The following ELOVL4 variants were observed in gnomAD, a reference collection of about 807,000 sequenced individuals.
The protein encoded by ELOVL4 is ELOVL fatty acid elongase 4, also known as very long chain fatty acid elongase 4.
ELOVL4 carries 18 observed loss-of-function variants against 42.1 expected under a neutral mutation model. The ratio of observed to expected loss-of-function variants is 0.43; its 90% CI spans 0.30 to 0.63. The LOEUF (loss-of-function observed/expected upper bound fraction) is 0.63, where lower values mean the gene tolerates loss of function less well. ELOVL4 is among the 30% of genes least tolerant of loss of function. The pLI, the probability that ELOVL4 is intolerant of heterozygous loss-of-function variation, is 0.15. For synonymous variants in ELOVL4, 117 were observed against 127.0 expected, an observed-to-expected ratio of 0.92 and a Z score of 0.53; for missense variants, 299 against 376.2, an observed-to-expected ratio of 0.79 and a Z score of 1.70.
chr6:79,927,849 G>C (rs1031088409), intron 1 of ELOVL4, among the ~76,000 whole-genome samples: 17 of 152,126 alleles, frequency 1.1e-4, no homozygotes, highest in Non-Finnish European at 1.9e-4. Flanking sequence ...ACACATTTCA[G>C]AGTTAAAAAT....
chr6:79,929,277 G>A (rs941120429), intron 1 of ELOVL4, among the ~76,000 whole-genome samples: 2 of 152,000 alleles, frequency 1.3e-5, no homozygotes, highest in Admixed American at 6.6e-5. Context: ...GTCTCGTTGT[G>A]TCACCTAGGC....
chr6:79,928,743 T>G lies in ELOVL4; in HGVS notation c.101-2362A>C, dbSNP rs937881910. Among the ~76,000 whole-genome samples, 43 of 143,648 alleles carry G rather than the reference T, an allele frequency of 3.0e-4. 1 individual carries two copies. The highest frequency in any genetic ancestry group is 1.1e-3 in the African/African-American group (40 of 37,866). 94.2% of individuals were successfully genotyped at this position (143,648 alleles called of 152,430 possible). A position where few individuals can be genotyped will look rare whatever the true frequency, so the allele number is the denominator to read the frequency against. On this transcript the variant is annotated intron_variant, in intron 1 of 5. Transcript: ENST00000369816. ...GGTGACTGGGTTTTTTTTTTTTTTTTTTTTTTTTTTTTAAGAAATGGAGTC... is the reference window on the plus strand; with the variant it reads ...GGTGACTGGGTTTTTTTTTTTTTTTGTTTTTTTTTTTTAAGAAATGGAGTC...
chr6:79,938,507 T>C (rs933677618), intron 1 of ELOVL4, among the ~76,000 whole-genome samples: 1 of 152,256 alleles, frequency 6.6e-6, no homozygotes, highest in Non-Finnish European at 1.5e-5. Context: ...TTCTAGCTCT[T>C]GTATTATGCA....
Position 79,916,844 on chromosome 6 carries a change from G to C in ELOVL4, c.709C>G (p.Leu237Val). ...TTGGGGAAGGGGCAGTCAGTGTAAA[G>C]AGACAGTGCCGTGTGCCCAATGGTC... ...HVTIGHTALS[L>V]YTDCPFPKWM... Residue 237 changes from leucine (L) to valine (V), a missense_variant, in exon 6 of 6, where the codon CTT becomes GTT. Physicochemically the swap from Leu to Val is conservative, Grantham distance 32. Coordinates refer to ENST00000369816, the MANE Select transcript of ELOVL4 (RefSeq NM_022726.4). 2 of 1,614,212 alleles carry C rather than the reference G, an allele frequency of 1.2e-6. No individual in the cohort carries two copies. The highest frequency in any genetic ancestry group is 1.7e-6 in the Non-Finnish European group (2 of 1,180,032).
chr6:79,916,413 T>C lies in ELOVL4; in HGVS notation c.*195A>G, dbSNP rs911432014. On this transcript the variant is annotated 3_prime_UTR_variant, in exon 6 of 6. Transcript: ENST00000369816. Reference sequence around the variant, plus strand: ...AAGGCTAATTTTTAAAAAAAATGTTTAAAATAAAAACTTCATAAATAAAAC... The same window carrying C: ...AAGGCTAATTTTTAAAAAAAATGTTCAAAATAAAAACTTCATAAATAAAAC... 27 of 642,108 alleles carry C rather than the reference T, an allele frequency of 4.2e-5. 2 individuals are homozygous for C. The South Asian group carries it at 4.4e-4, about 11-fold the overall frequency. The allele number at this position is 642,108 out of a possible 1,614,324, so 39.8% of individuals were successfully genotyped here.
intron 1 of ELOVL4, among the ~76,000 whole-genome samples, chr6:79,935,478 T>C (rs1774526940): frequency 6.6e-6 from 1 of 152,158 alleles, no homozygotes; most frequent in Admixed American, 6.5e-5. Context: ...GGGAGTCACA[T>C]GGAGTAGAGG....
intron 5 of ELOVL4, among the ~76,000 whole-genome samples, chr6:79,918,539 A>G (rs1221102764): frequency 6.6e-6 from 1 of 152,254 alleles, no homozygotes; most frequent in Non-Finnish European, 1.5e-5. Context: ...CTTCGCACCC[A>G]GCATTTCCCA....
chr6:79,941,729 T>C (rs1199717007), intron 1 of ELOVL4, among the ~76,000 whole-genome samples: 12 of 152,144 alleles, frequency 7.9e-5, no homozygotes, highest in Admixed American at 4.6e-4. Context: ...TTCTGTAATT[T>C]AGTGTGGTCT....
At chr6:79,921,312 T>G (rs1774249530) in intron 4 of ELOVL4, among the ~76,000 whole-genome samples, 1 of 151,074 alleles carries the variant, frequency 6.6e-6, no homozygotes, top group South Asian at 2.1e-4. Flanking sequence ...ATACAAAAAA[T>G]TAGCTAGGCG....
At position 79,947,460 on chromosome 6, in the gene ELOVL4, A is replaced by G; in HGVS notation, c.-181T>C. ...CGGCGGCGGGGATGCGGCAGAAGGC[A>G]GGGCCAAGCGGAAGGCGTCGTCAAG... On this transcript the variant is annotated 5_prime_UTR_variant, in exon 1 of 6. Transcript: ENST00000369816. The G allele has an allele frequency of 4.8e-6, 3 of 625,394 alleles. No homozygotes were observed. The highest frequency in any genetic ancestry group is 5.7e-6 in the Non-Finnish European group (2 of 352,334). The allele number at this position is 625,394 out of a possible 1,614,324, so 38.7% of individuals were successfully genotyped here.
Position 79,926,328 on chromosome 6 carries a change from T to C in ELOVL4, c.154A>G (p.Ile52Val), listed in dbSNP as rs138391092. The C allele has an allele frequency of 3.1e-6, 5 of 1,613,926 alleles. No individual in the cohort carries two copies. Among genetic ancestry groups the C allele is most frequent in the Non-Finnish European group, 3.4e-6 (4 of 1,179,958 alleles). Residue 52 changes from isoleucine (I) to valine (V), a missense_variant, in exon 2 of 6, where the codon ATA (isoleucine) becomes GTA (valine). Physicochemically the swap from Ile to Val is conservative, Grantham distance 29. Transcript: ENST00000369816. ...LMQSPWPTLS[I>V]STLYLLFVWL... Reference sequence around the variant, plus strand: ...ACAAACAGGAGATAAAGAGTGCTTATACTTAGTGTAGGCCAAGGAGACTGC... The same window carrying C: ...ACAAACAGGAGATAAAGAGTGCTTACACTTAGTGTAGGCCAAGGAGACTGC...
At chr6:79,939,695 T>C (rs556206795) in intron 1 of ELOVL4, among the ~76,000 whole-genome samples, 3 of 151,992 alleles carry the variant, frequency 2.0e-5, no homozygotes, top group African/African-American at 7.2e-5. Flanking sequence ...GGCTAATTTT[T>C]AATATTTTTT....
At chr6:79,944,987 CAAAAAAA>C (rs200726708) in intron 1 of ELOVL4, among the ~76,000 whole-genome samples, 1,402 of 93,030 alleles carry the variant, frequency 0.015, 16 homozygotes, top group African/African-American at 0.02. Flanking sequence ...TGAATGAGTC[CAAAAAAA>C]AAAAAAAAAA....
At chr6:79,923,540 T>C (rs965245785) in intron 3 of ELOVL4, among the ~76,000 whole-genome samples, 2 of 152,178 alleles carry the variant, frequency 1.3e-5, no homozygotes, top group African/African-American at 4.8e-5. Context: ...GCCCTCCAAC[T>C]GAAGAGATTC....
In ELOVL4 at chr6:79,916,796, C is replaced by T; in HGVS notation, c.757G>A (p.Ala253Thr). ...AGAAATATGAAGCTGATTGCATAGG[C>T]AATTAGAGCCCAGTGCATCCATTTG... ...FPKWMHWALI[A>T]YAISFIFLFL... The change falls in exon 6 of 6, where the codon GCC becomes ACC. Residue 253 changes from alanine to threonine, a missense_variant. Ala to Thr is a moderately conservative substitution (Grantham distance 58). Transcript: ENST00000369816. 1 of 1,614,116 alleles carries T rather than the reference C, an allele frequency of 6.2e-7. No individual in the cohort carries two copies. Among genetic ancestry groups the T allele is most frequent in the Non-Finnish European group, 8.5e-7 (1 of 1,180,026 alleles).
chr6:79,946,980 G>T (rs1392398407), intron 1 of ELOVL4, among the ~76,000 whole-genome samples, 200 bp downstream of exon 1: 2 of 152,128 alleles, frequency 1.3e-5, no homozygotes, highest in Non-Finnish European at 2.9e-5. Context: ...TGCGAGTGTC[G>T]GGGGAGGGGA....
At chr6:79,944,168 T>C (rs1774697121) in intron 1 of ELOVL4, among the ~76,000 whole-genome samples, 1 of 152,216 alleles carries the variant, frequency 6.6e-6, no homozygotes, top group Non-Finnish European at 1.5e-5. Context: ...AAATGAATAA[T>C]GTAGATAAGT....
intron 1 of ELOVL4, among the ~76,000 whole-genome samples, chr6:79,941,194 G>T (rs1244261916): frequency 6.6e-6 from 1 of 152,148 alleles, no homozygotes; most frequent in Non-Finnish European, 1.5e-5. Context: ...TTTAGAGTCA[G>T]GTAGGACCTT....
chr6:79,935,764 AT>A (rs1774531418), intron 1 of ELOVL4, among the ~76,000 whole-genome samples: 2 of 152,210 alleles, frequency 1.3e-5, no homozygotes, highest in African/African-American at 4.8e-5. Flanking sequence ...CTAGCATTTG[AT>A]TTTTACATTA....
Sources: gnomAD v4.1 joint callset for allele counts (sites outside exome capture counted in the v4.1 genomes callset) on GRCh38, gnomAD v4.1.1 for gene constraint, MANE v1.5 for transcripts, NCBI Gene and HGNC (gene_info 2026-07-23, HGNC 2026-07-21) for gene names.